Variants in FIBP observed in about 807,000 individuals in gnomAD.
FIBP encodes the protein FGF1 intracellular binding protein, also known as acidic fibroblast growth factor intracellular-binding protein.
Under a neutral mutation model 40.5 loss-of-function variants are expected in FIBP, and 29 were observed. That is an observed-to-expected ratio of 0.72 (90% CI 0.53 to 0.98). FIBP has a LOEUF of 0.98. FIBP is among the 50% of genes least tolerant of loss of function. The pLI is 0.00. For synonymous variants in FIBP, 215 were observed against 191.1 expected, an observed-to-expected ratio of 1.13 and a Z score of -1.03; for missense variants, 411 against 470.2, an observed-to-expected ratio of 0.87 and a Z score of 1.16.
rs201731632 is a variant in FIBP at position 65,885,513 on chromosome 11, G to A, written c.646+17C>T. On this transcript the variant is annotated intron_variant, in intron 5 of 9. Coordinates refer to ENST00000357519, the MANE Select transcript of FIBP (RefSeq NM_004214.5). ...GATGGGGAGGCGTCCAGGCACCTGG[G>A]TCAGTGGGGGCCTCACCGACGGCTC... 1.2e-6 allele frequency: 2 copies of A among 1,609,594 alleles called. No individual in the cohort carries two copies. Among genetic ancestry groups the A allele is most frequent in the African/African-American group, 1.3e-5 (1 of 74,826 alleles).
In FIBP at chr11:65,883,942, T is replaced by C. The variant is rs760110268; in HGVS notation, c.*32A>G. Reference sequence around the variant, plus strand: ...AGTCTCCAAACTCAGAGCAACTTTATTGTCAGCGTGGGCGGAGCGTTGGGA... The same window carrying C: ...AGTCTCCAAACTCAGAGCAACTTTACTGTCAGCGTGGGCGGAGCGTTGGGA... On this transcript the variant is annotated 3_prime_UTR_variant, in exon 10 of 10. Transcript: ENST00000357519. 5 of 1,604,996 alleles carry C rather than the reference T, an allele frequency of 3.1e-6. No individual in the cohort carries two copies. The highest frequency in any genetic ancestry group is 2.2e-5 in the South Asian group (2 of 90,388).
chr11:65,885,330 G>T, intron 5 of FIBP, 144 bp from the exon 6 acceptor site: 1 of 905,350 alleles, frequency 1.1e-6, no homozygotes, highest in Non-Finnish European at 1.8e-6. Flanking sequence ...CATGCCCCAG[G>T]CCACAGAGAG....
chr11:65,887,608 G>C lies in FIBP; in HGVS notation c.403C>G (p.Arg135Gly). Residue 135 changes from arginine (R) to glycine (G), a missense_variant, in exon 3 of 10, where the codon CGG (arginine) becomes GGG (glycine). Transcript: ENST00000357519. Reference protein sequence around the residue: ...TKTGITLKSCRRQFDNFKRVF... With the variant: ...TKTGITLKSCGRQFDNFKRVF... ...GTGGATGCAGTGCATACCTGTCTCC[G>C]GCAGCTCTTGAGGGTGATGCCTGTT... The C allele has an allele frequency of 1.9e-6, 3 of 1,614,050 alleles. No homozygotes were observed. The highest frequency in any genetic ancestry group is 2.5e-6 in the Non-Finnish European group (3 of 1,180,010).
Position 65,885,545 on chromosome 11 carries a change from T to C in FIBP, c.631A>G (p.Thr211Ala). Residue 211 changes from threonine (T) to alanine (A), a missense_variant, in exon 5 of 10, where the codon ACC (threonine) becomes GCC (alanine). Physicochemically the swap from Thr to Ala is moderately conservative, Grantham distance 58. Coordinates refer to ENST00000357519, the MANE Select transcript of FIBP (RefSeq NM_004214.5). ...FCAELMIQNW[T>A]LGAVDSQMDD... ...GGGGCCTCACCGACGGCTCCAAGGG[T>C]CCAGTTTTGGATCATGAGCTCAGCG... 2 of 1,613,894 alleles carry C rather than the reference T, an allele frequency of 1.2e-6. No homozygotes were observed. Among genetic ancestry groups the C allele is most frequent in the Non-Finnish European group, 1.7e-6 (2 of 1,179,910 alleles).
At chr11:65,886,724 C>G (rs560079782) in intron 3 of FIBP, 2 of 296,096 alleles carry the variant, frequency 6.8e-6, no homozygotes, top group African/African-American at 4.3e-5. Flanking sequence ...TTGGAAGAGA[C>G]TTTCCTGGCT....
At position 65,885,230 on chromosome 11, in the gene FIBP, T is replaced by C. The variant is rs1290654775; in HGVS notation, c.647-44A>G. ...GGTGGGGGTGGGTGATAAAAACCCC[T>C]CCTGTGATAGCCTAAGCCTTTCCTC... On this transcript the variant is annotated intron_variant, in intron 5 of 9. Coordinates refer to ENST00000357519, the MANE Select transcript of FIBP (RefSeq NM_004214.5). 10 of 1,326,496 alleles carry C rather than the reference T, an allele frequency of 7.5e-6. No individual in the cohort carries two copies. In the East Asian group the frequency reaches 2.3e-4, roughly 30 times the overall value. 82.2% of individuals were successfully genotyped at this position (1,326,496 alleles called of 1,614,324 possible).
rs1436092092 is a variant in FIBP at position 65,888,333 on chromosome 11, C to T, written c.85+1G>A. 1.3e-6 allele frequency: 2 copies of T among 1,552,274 alleles called. No individual in the cohort carries two copies. Among genetic ancestry groups the T allele is most frequent in the African/African-American group, 1.4e-5 (1 of 73,164 alleles). On this transcript the variant is annotated splice_donor_variant, in intron 1 of 9. Transcript: ENST00000357519. LOFTEE classifies it high-confidence loss of function. Reference sequence around the variant, plus strand: ...GGCTTCCCCACACGCCCCTCACGGACCCGAGTAACCATCGAGCCAGAGGCG... The same window carrying T: ...GGCTTCCCCACACGCCCCTCACGGATCCGAGTAACCATCGAGCCAGAGGCG...
rs11559151 is a variant in FIBP at position 65,888,429 on chromosome 11, G to T, written c.-11C>A. On this transcript the variant is annotated 5_prime_UTR_variant, in exon 1 of 10. Coordinates refer to ENST00000357519, the MANE Select transcript of FIBP (RefSeq NM_004214.5). ...CAGCTCACTGGTCATGGCGACGCCC[G>T]GGGCCGCAGCGCCCCGAGCAGGAGC... is the stretch of plus-strand genomic sequence containing the variant. The T allele has an allele frequency of 6.4e-7, 1 of 1,558,294 alleles. No individual in the cohort carries two copies. The highest frequency in any genetic ancestry group is 8.7e-7 in the Non-Finnish European group (1 of 1,150,918).
At chr11:65,886,687 T>C (rs1860246061) in intron 3 of FIBP, 1 of 394,454 alleles carries the variant, frequency 2.5e-6, no homozygotes, top group Non-Finnish European at 4.6e-6. Flanking sequence ...TTTAGCACCA[T>C]GCTCTCCAGA....
rs996467689 is a variant in FIBP at position 65,884,916 on chromosome 11, G to A, written c.819+19C>T. 3.7e-6 allele frequency: 6 copies of A among 1,613,832 alleles called. No individual in the cohort carries two copies. The highest frequency in any genetic ancestry group is 5.1e-6 in the Non-Finnish European group (6 of 1,179,690). On this transcript the variant is annotated intron_variant, in intron 7 of 9. Coordinates refer to ENST00000357519, the MANE Select transcript of FIBP (RefSeq NM_004214.5). ...AGGCTGAAGATGCCAAGGGTCAGAG[G>A]CTGGATGGGACCACAGACCTTGAAG...
At position 65,886,336 on chromosome 11, in the gene FIBP, A is replaced by G. The variant is rs1565281740; in HGVS notation, c.498T>C (p.Ser166=). The G allele has an allele frequency of 6.2e-7, 1 of 1,613,288 alleles. No homozygotes were observed. Residue 166 remains serine (S), a synonymous_variant, in exon 4 of 10, where the codon TCT becomes TCC. Transcript: ENST00000357519. ...TAGCTCCTCACCTGGCCAACCGGTC[A>G]GAGAGGAGGAAGTGTTGCTGAATAT... is the stretch of plus-strand genomic sequence containing the variant. ...VDNIQQHFLL[S]DRLARDYAAI...
chr11:65,887,466 A>C, intron 3 of FIBP, 134 bp downstream of exon 3: 77 of 672,750 alleles, frequency 1.1e-4, no homozygotes, highest in Non-Finnish European at 1.5e-4. Context: ...AAAAAAAAGG[A>C]GGGGAAAGGG....
chr11:65,886,495 A>T (rs1302713193), intron 3 of FIBP, 73 bp from the exon 4 acceptor site: 1 of 952,124 alleles, frequency 1.1e-6, no homozygotes. Context: ...TAAACCACTT[A>T]TTGAACATCT....
rs36080962 is a variant in FIBP, at chr11:65,883,993, A to C, written c.1055T>G (p.Leu352Arg). ...GGCACCTCAGTCATGATACAGGCGC[A>C]GGAGGCAGCCGCGGAGGGTGCCCAT... ...RYMGTLRGCLLRLYHD is the reference protein window; with the variant it reads ...RYMGTLRGCLRRLYHD The change falls in exon 10 of 10, where the codon CTG becomes CGG. Residue 352 changes from leucine to arginine, a missense_variant. Leu to Arg is a moderately radical substitution (Grantham distance 102). Coordinates refer to ENST00000357519, the MANE Select transcript of FIBP (RefSeq NM_004214.5). 1,246 of 1,613,996 alleles carry C rather than the reference A, an allele frequency of 7.7e-4. 2 individuals carry two copies. Among genetic ancestry groups the C allele is most frequent in the Non-Finnish European group, 1.0e-3 (1,187 of 1,179,938 alleles).
At position 65,885,193 on chromosome 11, in the gene FIBP, G is replaced by T; in HGVS notation, c.647-7C>A. The T allele has an allele frequency of 2.0e-6, 3 of 1,518,150 alleles. No homozygotes were observed. Among genetic ancestry groups the T allele is most frequent in the Non-Finnish European group, 2.7e-6 (3 of 1,093,818 alleles). 94.0% of individuals were successfully genotyped at this position (1,518,150 alleles called of 1,614,324 possible). On this transcript the variant is annotated splice_region_variant and splice_polypyrimidine_tract_variant and intron_variant, in intron 5 of 9. Coordinates refer to ENST00000357519, the MANE Select transcript of FIBP (RefSeq NM_004214.5). ...ATGTCATCCATCTGTGAGTCTGTGA[G>T]GCCATGAAGGGGGTGGGGGTGGGTG...
intron 9 of FIBP, 137 bp from the exon 10 acceptor site, chr11:65,884,180 T>C (rs1860165861): frequency 2.5e-6 from 2 of 804,664 alleles, no homozygotes; most frequent in Admixed American, 4.7e-5. Context: ...TGAACCCTAG[T>C]TTGTACATGA....
In FIBP at chr11:65,888,422, G is replaced by A; in HGVS notation, c.-4C>T. On this transcript the variant is annotated 5_prime_UTR_variant, in exon 1 of 10. Coordinates refer to ENST00000357519, the MANE Select transcript of FIBP (RefSeq NM_004214.5). ...AGATGTCCAGCTCACTGGTCATGGCGACGCCCGGGGCCGCAGCGCCCCGAG... is the reference window on the plus strand; with the variant it reads ...AGATGTCCAGCTCACTGGTCATGGCAACGCCCGGGGCCGCAGCGCCCCGAG... The A allele has an allele frequency of 6.4e-7, 1 of 1,561,628 alleles. No homozygotes were observed. The highest frequency in any genetic ancestry group is 8.7e-7 in the Non-Finnish European group (1 of 1,152,740).
Position 65,883,881 on chromosome 11 carries a change from C to G in FIBP, c.*93G>C. Reference sequence around the variant, plus strand: ...TGCTCAGAGACAGACACAGGCACATCTGCACGCCCCCCACTTGCTCCCCGG... The same window carrying G: ...TGCTCAGAGACAGACACAGGCACATGTGCACGCCCCCCACTTGCTCCCCGG... On this transcript the variant is annotated 3_prime_UTR_variant, in exon 10 of 10. Coordinates refer to ENST00000357519, the MANE Select transcript of FIBP (RefSeq NM_004214.5). The G allele has an allele frequency of 8.9e-7, 1 of 1,118,918 alleles. No individual in the cohort carries two copies. Among genetic ancestry groups the G allele is most frequent in the African/African-American group, 1.5e-5 (1 of 65,830 alleles). The allele number at this position is 1,118,918 out of a possible 1,614,324, so 69.3% of individuals were successfully genotyped here.
chr11:65,885,370 G>T, intron 5 of FIBP, 160 bp downstream of exon 5: 3 of 961,066 alleles, frequency 3.1e-6, no homozygotes, highest in African/African-American at 3.3e-5. Flanking sequence ...CAGACAAGGT[G>T]TGTGTGGGGA....
Sources: gnomAD v4.1 joint callset for allele counts on GRCh38, gnomAD v4.1.1 for gene constraint, MANE v1.5 for transcripts, NCBI Gene and HGNC (gene_info 2026-07-23, HGNC 2026-07-21) for gene names.